RGS4: variants seen among roughly 807,000 people sequenced by gnomAD.
RGS4 encodes regulator of G protein signaling 4, also known as schizophrenia disorder 9.
Under a neutral mutation model 21.6 loss-of-function variants are expected in RGS4, and 15 were observed. The ratio of observed to expected loss-of-function variants is 0.69; its 90% CI spans 0.46 to 1.07. RGS4 has a LOEUF of 1.07. RGS4 is among the 50% of genes least tolerant of loss of function. The pLI, the probability that RGS4 is intolerant of heterozygous loss-of-function variation, is 0.00. For missense variants in RGS4, 237 were observed against 239.0 expected (o/e 0.99, Z 0.06); for synonymous variants, 94 against 85.5 (o/e 1.10, Z -0.55).
chr1:163,073,026 C>T (rs142611213), intron 3 of RGS4, among the ~76,000 whole-genome samples, 160 bp downstream of exon 3: 41 of 152,188 alleles, frequency 2.7e-4, no homozygotes, highest in African/African-American at 9.6e-4. Flanking sequence ...TTAATATGCC[C>T]TAGAGCTTTG....
intron 1 of RGS4, 90 bp from the exon 2 acceptor site, chr1:163,072,305 C>A: frequency 9.8e-7 from 1 of 1,023,536 alleles, no homozygotes; most frequent in Non-Finnish European, 1.4e-6. Context: ...GAGCCATAGA[C>A]TAGTAATGGA....
upstream of RGS4, chr1:163,069,359 G>A (rs747166576): frequency 3.8e-5 from 60 of 1,560,062 alleles, no homozygotes; most frequent in South Asian, 5.9e-5. Flanking sequence ...AGGCTTAGCA[G>A]GAAGACGCTC....
chr1:163,070,629 G>C (rs920034008), intron 1 of RGS4: 20 of 152,142 alleles, frequency 1.3e-4, no homozygotes, highest in Non-Finnish European at 4.4e-5. Flanking sequence ...TTTCTGAATG[G>C]AGTGGAGCAA....
chr1:163,071,864 C>CCCCCCCCCA (rs1655321578), intron 1 of RGS4: 1 of 23,994 alleles, frequency 4.2e-5, no homozygotes, highest in Non-Finnish European at 2.0e-4. Context: ...TGCCCCCCCC[C>CCCCCCCCCA]CCCCCCCCCA....
chr1:163,072,967 T>C, intron 3 of RGS4, 101 bp downstream of exon 3: 1 of 988,652 alleles, frequency 1.0e-6, no homozygotes, highest in Non-Finnish European at 1.5e-6. Flanking sequence ...CTTTCTGATG[T>C]TCAGACTCAG....
chr1:163,075,112 C>G lies in RGS4; in HGVS notation c.*552C>G, dbSNP rs1161747875. The G allele has an allele frequency of 4.1e-5, 7 of 169,352 alleles. No homozygotes were observed. Among genetic ancestry groups the G allele is most frequent in the Non-Finnish European group, 9.0e-5 (7 of 77,910 alleles). 10.5% of individuals were successfully genotyped at this position (169,352 alleles called of 1,614,324 possible). ...GTGTGAGTGTATGTATACACACACACACACACACACACACACACTTTTGCA... is the reference window on the plus strand; with the variant it reads ...GTGTGAGTGTATGTATACACACACAGACACACACACACACACACTTTTGCA... On this transcript the variant is annotated 3_prime_UTR_variant, in exon 5 of 5. Coordinates refer to ENST00000367909, the MANE Select transcript of RGS4 (RefSeq NM_005613.6).
Position 163,069,389 on chromosome 1 carries a change from T to C in RGS4, c.-96T>C, listed in dbSNP as rs1655226100. The C allele has an allele frequency of 3.8e-6, 6 of 1,589,764 alleles. No homozygotes were observed. In the African/African-American group the frequency reaches 4.0e-5, roughly 11 times the overall value. ...ACGCTCAGAGGATTCTGACAATATC[T>C]TTACCGGAGAAGAGGCAAAGTACGC... On this transcript the variant is annotated 5_prime_UTR_variant, in exon 1 of 5. Coordinates refer to ENST00000367909, the MANE Select transcript of RGS4 (RefSeq NM_005613.6).
chr1:163,075,998 G>C lies in RGS4; in HGVS notation c.*1438G>C, dbSNP rs930090458. On this transcript the variant is annotated 3_prime_UTR_variant, in exon 5 of 5. Coordinates refer to ENST00000367909, the MANE Select transcript of RGS4 (RefSeq NM_005613.6). ...TGTCTAACCAATTGTGAGAATTACT[G>C]TTTGAAACTTTTCAAGGCACATTGA... 1 of 152,400 alleles carries C rather than the reference G, an allele frequency of 6.6e-6. No individual in the cohort carries two copies. The highest frequency in any genetic ancestry group is 2.1e-4 in the South Asian group (1 of 4,806). 9.4% of individuals were successfully genotyped at this position (152,400 alleles called of 1,614,324 possible).
At chr1:163,068,934 C>G (rs1012525285), upstream of RGS4, 3 of 1,586,962 alleles carry the variant, frequency 1.9e-6, no homozygotes, top group Non-Finnish European at 2.6e-6. Context: ...GATCTTGGAC[C>G]ATGTATAATA....
chr1:163,076,303 T>G lies in RGS4; in HGVS notation c.*1743T>G, dbSNP rs909986647. ...GGGCTGCAAAATGAAGACACCAGAGTGTATGCATACAAATCTCACTGTATT... is the reference window on the plus strand; with the variant it reads ...GGGCTGCAAAATGAAGACACCAGAGGGTATGCATACAAATCTCACTGTATT... On this transcript the variant is annotated 3_prime_UTR_variant, in exon 5 of 5. Transcript: ENST00000367909. The G allele has an allele frequency of 6.6e-6, 1 of 152,522 alleles. No homozygotes were observed. Among genetic ancestry groups the G allele is most frequent in the South Asian group, 2.1e-4 (1 of 4,834 alleles). 9.4% of individuals were successfully genotyped at this position (152,522 alleles called of 1,614,324 possible).
chr1:163,073,500 G>A lies in RGS4; in HGVS notation c.256G>A (p.Glu86Lys). ...AGCTTTCTTGAAGTCTGAATATAGT[G>A]AGGAGAATATTGACTTCTGGATCAG... ...FKAFLKSEYS[E>K]ENIDFWISCE... Residue 86 changes from glutamate (E) to lysine (K), a missense_variant, in exon 4 of 5, where the codon GAG becomes AAG. Coordinates refer to ENST00000367909, the MANE Select transcript of RGS4 (RefSeq NM_005613.6). The A allele has an allele frequency of 6.2e-7, 1 of 1,604,790 alleles. No individual in the cohort carries two copies. The highest frequency in any genetic ancestry group is 8.5e-7 in the Non-Finnish European group (1 of 1,177,310).
intron 1 of RGS4, chr1:163,071,934 C>T (rs1655330119): frequency 1.4e-5 from 14 of 976,432 alleles, no homozygotes; most frequent in Non-Finnish European, 1.7e-5. Context: ...ACAGTTCCCT[C>T]TGCCAGCAGG....
In RGS4 at chr1:163,074,948, G is replaced by C; in HGVS notation, c.*388G>C. 1.9e-6 allele frequency: 1 copy of C among 522,740 alleles called. No homozygotes were observed. The allele number at this position is 522,740 out of a possible 1,614,324, so 32.4% of individuals were successfully genotyped here. A position where few individuals can be genotyped will look rare whatever the true frequency, so the allele number is the denominator to read the frequency against. On this transcript the variant is annotated 3_prime_UTR_variant, in exon 5 of 5. Coordinates refer to ENST00000367909, the MANE Select transcript of RGS4 (RefSeq NM_005613.6). ...GCACATGTATTCTGTTGGCCAGCACGTTCTCCAGACTCTAGATGTTTAGAT... is the reference window on the plus strand; with the variant it reads ...GCACATGTATTCTGTTGGCCAGCACCTTCTCCAGACTCTAGATGTTTAGAT...
At chr1:163,069,343 C>G (rs147943921), upstream of RGS4, 1 of 1,553,248 alleles carries the variant, frequency 6.4e-7, no homozygotes, top group Non-Finnish European at 8.7e-7. Context: ...TAAAAGAGAC[C>G]CCTACAGGCT....
chr1:163,073,873 A>G (rs2102344857), intron 4 of RGS4: 2 of 409,716 alleles, frequency 4.9e-6, no homozygotes, highest in Middle Eastern at 6.6e-4. Context: ...CCCTCTACCC[A>G]ACTTTCTATC....
chr1:163,068,971 G>A, upstream of RGS4: 2 of 1,607,820 alleles, frequency 1.2e-6, no homozygotes, highest in Non-Finnish European at 1.7e-6. Context: ...AAAGAGGAAA[G>A]GCATTGGGAG....
chr1:163,073,617 A>G lies in RGS4; in HGVS notation c.373A>G (p.Lys125Glu). ...YNEFISVQAT[K>E]EVNLDSCTRE... ...TGAATTCATCTCAGTCCAGGCAACC[A>G]AAGAGGTAGGTTTTTTATGGATACA... Residue 125 changes from lysine to glutamate, a missense_variant, in exon 4 of 5, where the codon AAA becomes GAA. Lys to Glu is a moderately conservative substitution (Grantham distance 56). Coordinates refer to ENST00000367909, the MANE Select transcript of RGS4 (RefSeq NM_005613.6). 6.3e-7 allele frequency: 1 copy of G among 1,587,236 alleles called. No individual in the cohort carries two copies. The highest frequency in any genetic ancestry group is 8.5e-7 in the Non-Finnish European group (1 of 1,172,412).
At chr1:163,072,636 C>T (rs899260272) in intron 2 of RGS4, 137 bp downstream of exon 2, 1 of 838,600 alleles carries the variant, frequency 1.2e-6, no homozygotes, top group East Asian at 2.6e-5. Flanking sequence ...GAGATCATAA[C>T]TACATTTGAA....
chr1:163,072,598 T>C (rs1266711070), intron 2 of RGS4, 99 bp downstream of exon 2: 3 of 1,002,706 alleles, frequency 3.0e-6, no homozygotes, highest in Non-Finnish European at 4.6e-6. Context: ...TAAGCCAGAT[T>C]TGGATCAAGA....
Sources: allele counts gnomAD v4.1 joint callset (sites outside exome capture counted in the v4.1 genomes callset), GRCh38; gene constraint gnomAD v4.1.1; transcripts MANE v1.5; gene names NCBI Gene and HGNC (gene_info 2026-07-23, HGNC 2026-07-21).